Variants in UGGT1 observed in about 807,000 individuals in gnomAD.
UGGT1 encodes UDP-glucose glycoprotein glucosyltransferase 1.
UGGT1 carries 107 observed loss-of-function variants against 203.9 expected under a neutral mutation model. The observed-to-expected ratio is 0.52, with a 90% CI of 0.45 to 0.62. The LOEUF (loss-of-function observed/expected upper bound fraction) is 0.62, where lower values mean the gene tolerates loss of function less well. Ranked by LOEUF, UGGT1 falls within the 20% of genes least tolerant of loss-of-function variation. The probability of loss-of-function intolerance (pLI) is 0.00; values close to 1 mark genes in which losing one functional copy is unlikely to be tolerated. For synonymous variants in UGGT1, 628 were observed against 653.5 expected (o/e 0.96, Z 0.59); for missense variants, 1,673 against 1,867.2 (o/e 0.90, Z 1.92).
chr2:128,183,835 G>A (rs1205927262), intron 38 of UGGT1, 46 bp downstream of exon 38: 4 of 1,456,386 alleles, frequency 2.7e-6, no homozygotes, highest in Non-Finnish European at 3.8e-6. Flanking sequence ...CGGGTATACA[G>A]TGTTGCATCA....
Position 128,145,940 on chromosome 2 carries a change from C to A in UGGT1, c.1989C>A (p.Thr663=). 1 of 1,614,032 alleles carries A rather than the reference C, an allele frequency of 6.2e-7. No homozygotes were observed. Among genetic ancestry groups the A allele is most frequent in the South Asian group, 1.1e-5 (1 of 91,076 alleles). ...TITMHKILET[T]TFFQRAVYLG... is the part of the protein sequence containing the mutation. ...CAATGCATAAAATCCTGGAGACCAC[C>A]ACCTTCTTCCAAAGAGCGGTGTACT... is the stretch of plus-strand genomic sequence containing the variant. Residue 663 remains threonine, a synonymous_variant, in exon 18 of 41, where the codon ACC becomes ACA. Coordinates refer to ENST00000259253, the MANE Select transcript of UGGT1 (RefSeq NM_020120.4).
intron 25 of UGGT1, among the ~76,000 whole-genome samples, chr2:128,162,841 A>G (rs1690594041): frequency 6.6e-6 from 1 of 152,160 alleles, no homozygotes. Flanking sequence ...TTTGCCAATG[A>G]GAGATGGCTC....
intron 28 of UGGT1, chr2:128,171,513 C>G: frequency 2.1e-6 from 1 of 483,666 alleles, no homozygotes; most frequent in Non-Finnish European, 3.7e-6. Flanking sequence ...TGTGCCTTTT[C>G]TTTCTTTTTT....
At chr2:128,119,288 T>C (rs994322245) in intron 8 of UGGT1, among the ~76,000 whole-genome samples, 1 of 152,066 alleles carries the variant, frequency 6.6e-6, no homozygotes, top group Admixed American at 6.5e-5. Context: ...TTTCTGTATG[T>C]TGTATTAAGA....
At chr2:128,116,198 G>T in intron 7 of UGGT1, 67 bp from the exon 8 acceptor site, 1 of 995,492 alleles carries the variant, frequency 1.0e-6, no homozygotes, top group Admixed American at 2.0e-5. Flanking sequence ...AAGTTTATGA[G>T]ACTAGTAACG....
intron 13 of UGGT1, among the ~76,000 whole-genome samples, chr2:128,130,672 C>G (rs1020615062): frequency 5.3e-5 from 8 of 152,172 alleles, no homozygotes; most frequent in Admixed American, 4.6e-4. Context: ...AGTTGAAGCC[C>G]TTCTTTGTCC....
chr2:128,189,893 T>A lies in UGGT1; in HGVS notation c.*151T>A. 1.3e-6 allele frequency: 1 copy of A among 797,776 alleles called. No homozygotes were observed. Among genetic ancestry groups the A allele is most frequent in the Non-Finnish European group, 2.0e-6 (1 of 505,574 alleles). 49.4% of individuals were successfully genotyped at this position (797,776 alleles called of 1,614,324 possible). Reference sequence around the variant, plus strand: ...TCTGAGCATTTGATTCTGACTTCTGTACTCTGGTGGCCACTGGATCTTTGG... The same window carrying A: ...TCTGAGCATTTGATTCTGACTTCTGAACTCTGGTGGCCACTGGATCTTTGG... On this transcript the variant is annotated 3_prime_UTR_variant, in exon 41 of 41. Coordinates refer to ENST00000259253, the MANE Select transcript of UGGT1 (RefSeq NM_020120.4).
intron 15 of UGGT1, among the ~76,000 whole-genome samples, chr2:128,136,054 G>A (rs1033975283): frequency 6.6e-5 from 10 of 152,164 alleles, no homozygotes; most frequent in Non-Finnish European, 4.4e-5. Flanking sequence ...GACGAGAAGA[G>A]GGCATGTGGT....
At chr2:128,178,334 G>T in intron 33 of UGGT1, 134 bp from the exon 34 acceptor site, 1 of 748,252 alleles carries the variant, frequency 1.3e-6, no homozygotes, top group African/African-American at 1.8e-5. Context: ...TGTGAGGGAA[G>T]CTTCATAACC....
intron 18 of UGGT1, among the ~76,000 whole-genome samples, chr2:128,150,529 ACTC>A: frequency 6.6e-6 from 1 of 151,722 alleles, no homozygotes; most frequent in East Asian, 1.9e-4. Context: ...GTGCTGTACT[ACTC>A]ATGATTTCTT....
chr2:128,105,377 T>G (rs1687559239), intron 3 of UGGT1, among the ~76,000 whole-genome samples: 1 of 151,782 alleles, frequency 6.6e-6, no homozygotes, highest in Non-Finnish European at 1.5e-5. Context: ...AGGGTCTCGC[T>G]GTGTTGCCCA....
rs764355882 is a variant in UGGT1, at chr2:128,157,388, G to A, written c.2355+42G>A. On this transcript the variant is annotated intron_variant, in intron 22 of 40. Coordinates refer to ENST00000259253, the MANE Select transcript of UGGT1 (RefSeq NM_020120.4). ...TCATTTTATATTTTTGTTTGTGGCT[G>A]TAGTTGTCTTCATGGGCTTCGCTGT... is the stretch of plus-strand genomic sequence containing the variant. 1.2e-5 allele frequency: 19 copies of A among 1,546,122 alleles called. No homozygotes were observed. The South Asian group carries it at 1.5e-4, about 12-fold the overall frequency.
chr2:128,185,400 C>T (rs1691924089), intron 38 of UGGT1, among the ~76,000 whole-genome samples: 1 of 151,316 alleles, frequency 6.6e-6, no homozygotes, highest in Non-Finnish European at 1.5e-5. Context: ...GAACTCCTGA[C>T]CTCAGGTGAT....
intron 1 of UGGT1, 24 bp from the exon 2 acceptor site, chr2:128,097,405 C>G: frequency 6.3e-7 from 1 of 1,582,086 alleles, no homozygotes; most frequent in Non-Finnish European, 8.5e-7. Flanking sequence ...TGTAGCAAAA[C>G]TTCTTTTCTT....
At chr2:128,098,507 G>A (rs957220044) in intron 2 of UGGT1, among the ~76,000 whole-genome samples, 4 of 152,194 alleles carry the variant, frequency 2.6e-5, no homozygotes, top group African/African-American at 9.7e-5. Context: ...GTAAATCCCA[G>A]CTCTTTGGGA....
chr2:128,177,966 T>G (rs1691480803), intron 33 of UGGT1, 46 bp downstream of exon 33: 1 of 1,496,510 alleles, frequency 6.7e-7, no homozygotes, highest in African/African-American at 1.4e-5. Context: ...AAAACTGAGA[T>G]ATAAGCACCA....
chr2:128,183,811 T>C (rs762298445), intron 38 of UGGT1, 22 bp downstream of exon 38: 2 of 1,578,568 alleles, frequency 1.3e-6, no homozygotes, highest in Non-Finnish European at 1.7e-6. Flanking sequence ...TTTTTTATGG[T>C]TAACTGTGAG....
chr2:128,099,470 C>T (rs1359722299), intron 2 of UGGT1, among the ~76,000 whole-genome samples: 1 of 152,114 alleles, frequency 6.6e-6, no homozygotes, highest in Non-Finnish European at 1.5e-5. Flanking sequence ...CTAACATTTT[C>T]CCCTTAATTC....
intron 29 of UGGT1, among the ~76,000 whole-genome samples, chr2:128,173,161 A>T (rs529183917): frequency 1.3e-5 from 2 of 152,260 alleles, no homozygotes; most frequent in Non-Finnish European, 1.5e-5. Context: ...CTTCTTTCAC[A>T]TAACAAATTG....
Sources: allele counts gnomAD v4.1 joint callset (sites outside exome capture counted in the v4.1 genomes callset), GRCh38; gene constraint gnomAD v4.1.1; transcripts MANE v1.5; gene names NCBI Gene and HGNC (gene_info 2026-07-23, HGNC 2026-07-21).